HERC4: variants seen among roughly 807,000 people sequenced by gnomAD.
The protein encoded by HERC4 is probable E3 ubiquitin-protein ligase HERC4.
A neutral mutation model predicts 124.3 loss-of-function variants in HERC4; 28 were observed. The observed-to-expected ratio is 0.23, with a 90% CI of 0.17 to 0.31. The LOEUF is 0.31. Ranked by LOEUF, HERC4 falls within the 10% of genes least tolerant of loss-of-function variation. The pLI, the probability that HERC4 is intolerant of heterozygous loss-of-function variation, is 1.00. For missense variants in HERC4, 713 were observed against 1,229.3 expected (o/e 0.58, Z 6.28); for synonymous variants, 407 against 421.5 (o/e 0.97, Z 0.42).
intron 3 of HERC4, among the ~76,000 whole-genome samples, chr10:68,064,749 G>A (rs1411716549): frequency 6.6e-6 from 1 of 151,812 alleles, no homozygotes; most frequent in South Asian, 2.1e-4. Flanking sequence ...GAGGCAGGTG[G>A]ATCACAAGGT....
intron 8 of HERC4, among the ~76,000 whole-genome samples, chr10:68,021,094 C>G (rs1276264531): frequency 6.6e-6 from 1 of 152,118 alleles, no homozygotes; most frequent in African/African-American, 2.4e-5. Flanking sequence ...TCCATAAGCC[C>G]CAATGAATTC....
intron 9 of HERC4, among the ~76,000 whole-genome samples, chr10:67,998,563 A>AGGC (rs1554816365): frequency 6.9e-5 from 9 of 130,872 alleles, no homozygotes; most frequent in Non-Finnish European, 1.4e-4. Context: ...AAAAAAAAAA[A>AGGC]GGGGGGGGGG....
chr10:68,049,606 A>AAAAG (rs2040191245), intron 3 of HERC4, among the ~76,000 whole-genome samples: 1 of 150,920 alleles, frequency 6.6e-6, no homozygotes, highest in East Asian at 1.9e-4. Context: ...AAAAAAAAAA[A>AAAAG]AAAAAAACAC....
intron 19 of HERC4, among the ~76,000 whole-genome samples, chr10:67,946,856 A>G (rs1009802118): frequency 6.6e-6 from 1 of 152,116 alleles, no homozygotes; most frequent in African/African-American, 2.4e-5. Context: ...GCATTGAGTC[A>G]AGATTGAGCC....
At chr10:68,071,268 T>C (rs1214445652) in intron 3 of HERC4, among the ~76,000 whole-genome samples, 1 of 152,234 alleles carries the variant, frequency 6.6e-6, no homozygotes, top group Non-Finnish European at 1.5e-5. Context: ...GTTAAGTTTC[T>C]CAGAATCTCA....
intron 3 of HERC4, among the ~76,000 whole-genome samples, chr10:68,059,737 ATAT>A (rs1459486562): frequency 2.8e-5 from 2 of 72,456 alleles, no homozygotes; most frequent in Non-Finnish European, 2.1e-5. Flanking sequence ...ATATATCATA[ATAT>A]TATATATTAT....
intron 19 of HERC4, among the ~76,000 whole-genome samples, chr10:67,949,768 A>G (rs1024511506): frequency 1.3e-5 from 2 of 152,224 alleles, no homozygotes; most frequent in Non-Finnish European, 2.9e-5. Context: ...GGCTCACGCC[A>G]GCACTTTGAG....
intron 16 of HERC4, chr10:67,964,779 C>CT (rs546952535): frequency 6.5e-4 from 95 of 146,214 alleles, no homozygotes; most frequent in South Asian, 1.5e-3. Context: ...TTCTTTCTTT[C>CT]TTTTTTTTTT....
chr10:68,025,484 A>G (rs951074902), intron 8 of HERC4, 62 bp downstream of exon 8: 41 of 1,500,536 alleles, frequency 2.7e-5, no homozygotes, highest in Non-Finnish European at 3.5e-5. Context: ...AAACAATTCA[A>G]TAAGCAATCC....
chr10:68,028,866 C>T (rs1018623151), intron 7 of HERC4, among the ~76,000 whole-genome samples: 2 of 152,016 alleles, frequency 1.3e-5, no homozygotes, highest in Non-Finnish European at 2.9e-5. Context: ...AATTTATTTG[C>T]TATTAGCAAA....
intron 9 of HERC4, chr10:68,008,152 C>T (rs1343599260): frequency 6.6e-6 from 1 of 152,220 alleles, no homozygotes; most frequent in African/African-American, 2.4e-5. Flanking sequence ...TGAAGTTTCC[C>T]TCTCACTCTC....
chr10:68,062,815 TAC>T (rs1426797441), intron 3 of HERC4, among the ~76,000 whole-genome samples: 10 of 152,126 alleles, frequency 6.6e-5, no homozygotes, highest in Non-Finnish European at 1.0e-4. Context: ...ACTATTTCTT[TAC>T]CTCCAATTTC....
chr10:67,978,390 CA>C (rs1027270290), intron 15 of HERC4, among the ~76,000 whole-genome samples: 5 of 152,234 alleles, frequency 3.3e-5, no homozygotes, highest in Admixed American at 1.3e-4. Context: ...TCTGCCTTTG[CA>C]AAGGGGAGGG....
chr10:68,015,914 C>A (rs1258339475), intron 8 of HERC4, among the ~76,000 whole-genome samples: 1 of 152,074 alleles, frequency 6.6e-6, no homozygotes, highest in Non-Finnish European at 1.5e-5. Flanking sequence ...ACCAGCATGG[C>A]AAACATGGCA....
At chr10:68,029,576 C>A (rs1234916251) in intron 7 of HERC4, among the ~76,000 whole-genome samples, 1 of 151,648 alleles carries the variant, frequency 6.6e-6, no homozygotes, top group Non-Finnish European at 1.5e-5. Context: ...TGATATACAG[C>A]AAAATGCTGT....
intron 19 of HERC4, among the ~76,000 whole-genome samples, chr10:67,948,600 T>C (rs1459205855): frequency 6.6e-6 from 1 of 152,164 alleles, no homozygotes; most frequent in East Asian, 1.9e-4. Context: ...ACAACCACTA[T>C]GGAAAACAGT....
intron 15 of HERC4, among the ~76,000 whole-genome samples, chr10:67,967,797 A>AT (rs2034977667): frequency 6.6e-6 from 1 of 152,168 alleles, no homozygotes; most frequent in Non-Finnish European, 1.5e-5. Flanking sequence ...AATACAAGGG[A>AT]TAGAGGAACA....
intron 9 of HERC4, 63 bp downstream of exon 9, chr10:68,013,963 A>T: frequency 7.5e-7 from 1 of 1,341,096 alleles, no homozygotes; most frequent in Non-Finnish European, 1.0e-6. Flanking sequence ...TTCATGATTT[A>T]AGAGCAACAT....
intron 15 of HERC4, among the ~76,000 whole-genome samples, chr10:67,972,219 G>GAAAAAAAAAA (rs767498811): frequency 2.0e-5 from 1 of 51,212 alleles, no homozygotes; most frequent in African/African-American, 6.7e-5. Flanking sequence ...TGTCTCAAAG[G>GAAAAAAAAAA]AAAAAAAAAA....
Sources: allele counts gnomAD v4.1 joint callset (sites outside exome capture counted in the v4.1 genomes callset), GRCh38; gene constraint gnomAD v4.1.1; transcripts MANE v1.5; gene names NCBI Gene and HGNC (gene_info 2026-07-23, HGNC 2026-07-21).